SKIC2: variants seen among roughly 807,000 people sequenced by gnomAD.
The protein encoded by SKIC2 is SKI2 subunit of superkiller complex.
the SKIC2 span, chr6:31,969,290 G>A: frequency 1.7e-5 from 27 of 1,614,032 alleles, no homozygotes; most frequent in Admixed American, 8.3e-5. This position sits in a 1 kb window ranked among gnomAD's most constrained non-coding sequence, Gnocchi z 6.1. Context: ...GGAATAGAAC[G>A]TGTCCGGGCT....
the SKIC2 span, chr6:31,969,625 A>G: frequency 6.2e-6 from 10 of 1,612,690 alleles, no homozygotes; most frequent in Non-Finnish European, 8.5e-6. This position sits in a 1 kb window ranked among gnomAD's most constrained non-coding sequence, Gnocchi z 6.1. Context: ...CCCGCCTGGT[A>G]GGAGAGCCTG....
At chr6:31,963,087 A>G in the SKIC2 span, 1 of 1,608,136 alleles carries the variant, frequency 6.2e-7, no homozygotes, top group Non-Finnish European at 8.5e-7. This position sits in a 1 kb window ranked among gnomAD's most constrained non-coding sequence, Gnocchi z 5.3. Context: ...TGCTGACTGG[A>G]TTGGGTGAGA....
the SKIC2 span, chr6:31,968,109 C>G: frequency 6.2e-7 from 1 of 1,612,000 alleles, no homozygotes; most frequent in East Asian, 2.2e-5. The surrounding 1 kb of genome is among the most constrained non-coding windows in gnomAD (Gnocchi z 6.1). Context: ...AGGCCCTTCT[C>G]CTCCAGAGGG....
At chr6:31,960,798 C>G in the SKIC2 span, 5 of 1,263,652 alleles carry the variant, frequency 4.0e-6, no homozygotes, top group South Asian at 4.3e-5. Flanking sequence ...TATCACTGGG[C>G]TACTGCTAGC....
the SKIC2 span, among the ~76,000 whole-genome samples, chr6:31,965,232 A>G: frequency 6.6e-6 from 1 of 152,204 alleles, no homozygotes; most frequent in Admixed American, 6.5e-5. The surrounding 1 kb of genome is among the most constrained non-coding windows in gnomAD (Gnocchi z 5.6). Flanking sequence ...GAGAACATGT[A>G]CACCCATCCT....
the SKIC2 span, chr6:31,959,732 C>T: frequency 3.6e-6 from 2 of 549,060 alleles, no homozygotes; most frequent in Non-Finnish European, 6.4e-6. Flanking sequence ...GTCTGGGACC[C>T]CTTTTTCTAA....
the SKIC2 span, chr6:31,965,993 G>T: frequency 6.2e-7 from 1 of 1,600,344 alleles, no homozygotes; most frequent in South Asian, 1.1e-5. The surrounding 1 kb of genome is among the most constrained non-coding windows in gnomAD (Gnocchi z 5.6). Flanking sequence ...CGAGATGGCA[G>T]ACCTGCACCG....
chr6:31,962,151 A>G, the SKIC2 span: 1 of 1,289,094 alleles, frequency 7.8e-7, no homozygotes, highest in Non-Finnish European at 1.1e-6. This position sits in a 1 kb window ranked among gnomAD's most constrained non-coding sequence, Gnocchi z 5.0. Flanking sequence ...TCTCTAGCTC[A>G]TCCTTTAAGT....
chr6:31,963,497 C>T, the SKIC2 span: 4 of 1,611,278 alleles, frequency 2.5e-6, no homozygotes, highest in African/African-American at 5.4e-5. The surrounding 1 kb of genome is among the most constrained non-coding windows in gnomAD (Gnocchi z 5.3). Context: ...CAGGGAACAG[C>T]TCCAAGACCC....
the SKIC2 span, chr6:31,959,241 C>A: frequency 6.2e-7 from 1 of 1,606,518 alleles, no homozygotes; most frequent in Non-Finnish European, 8.5e-7. Flanking sequence ...GGAAATGGAA[C>A]GGAGTAGCCG....
the SKIC2 span, chr6:31,962,372 A>G: frequency 6.4e-7 from 1 of 1,554,626 alleles, no homozygotes; most frequent in Non-Finnish European, 8.9e-7. The surrounding 1 kb of genome is among the most constrained non-coding windows in gnomAD (Gnocchi z 5.0). Flanking sequence ...CGAGGGCTCC[A>G]TGTGGGAGAG....
At chr6:31,968,022 T>G in the SKIC2 span, 1 of 1,612,992 alleles carries the variant, frequency 6.2e-7, no homozygotes, top group Non-Finnish European at 8.5e-7. This position sits in a 1 kb window ranked among gnomAD's most constrained non-coding sequence, Gnocchi z 6.1. Context: ...ACCAAGGTGC[T>G]CCGGGTGAAT....
chr6:31,961,952 A>C, the SKIC2 span: 1 of 1,613,034 alleles, frequency 6.2e-7, no homozygotes, highest in Non-Finnish European at 8.5e-7. Flanking sequence ...GCCATCCTGC[A>C]CTTGGAACGG....
the SKIC2 span, chr6:31,961,906 T>TCA: frequency 6.8e-6 from 11 of 1,612,964 alleles, no homozygotes; most frequent in Non-Finnish European, 8.5e-6. Context: ...CTCTCTCCCA[T>TCA]AGTGGGCATT....
the SKIC2 span, chr6:31,960,119 G>A: frequency 6.8e-6 from 11 of 1,612,318 alleles, no homozygotes; most frequent in Admixed American, 6.7e-5. Context: ...CACTCAGCCC[G>A]GTGAGGAGTC....
At chr6:31,968,133 G>T in the SKIC2 span, 1 of 1,608,528 alleles carries the variant, frequency 6.2e-7, no homozygotes, top group East Asian at 2.2e-5. The surrounding 1 kb of genome is among the most constrained non-coding windows in gnomAD (Gnocchi z 6.1). Flanking sequence ...CGTAGAGGCA[G>T]GGAGGGGCAG....
the SKIC2 span, chr6:31,967,016 G>A: frequency 6.2e-7 from 1 of 1,612,994 alleles, no homozygotes; most frequent in East Asian, 2.2e-5. This position sits in a 1 kb window ranked among gnomAD's most constrained non-coding sequence, Gnocchi z 4.9. Context: ...CCATGAACAG[G>A]CCCTGGCTGA....
chr6:31,968,709 G>A, the SKIC2 span: 1 of 1,612,878 alleles, frequency 6.2e-7, no homozygotes, highest in South Asian at 1.1e-5. The surrounding 1 kb of genome is among the most constrained non-coding windows in gnomAD (Gnocchi z 6.1). Context: ...GGGAGCGAAT[G>A]CAGATACAGA....
At chr6:31,965,797 A>G in the SKIC2 span, 21 of 1,606,204 alleles carry the variant, frequency 1.3e-5, no homozygotes, top group Non-Finnish European at 1.6e-5. This position sits in a 1 kb window ranked among gnomAD's most constrained non-coding sequence, Gnocchi z 5.6. Context: ...TGTTTGCCAC[A>G]GAGACCTTTG....
Sources: allele counts gnomAD v4.1 joint callset (sites outside exome capture counted in the v4.1 genomes callset), GRCh38; gene constraint gnomAD v4.1.1; non-coding constraint Gnocchi (gnomAD v3.1); transcripts MANE v1.5; gene names NCBI Gene and HGNC (gene_info 2026-07-23, HGNC 2026-07-21).